The following EBF2 variants were observed in gnomAD, a reference collection of about 807,000 sequenced individuals.
EBF2 encodes EBF transcription factor 2.
In EBF2, 21 loss-of-function variants were observed where a neutral mutation model predicts 72.8. That is an observed-to-expected ratio of 0.29 (90% confidence interval 0.20 to 0.42). The LOEUF is 0.42. EBF2 is among the 10% of genes least tolerant of loss of function. The pLI, the probability that EBF2 is intolerant of heterozygous loss-of-function variation, is 1.00. For missense variants in EBF2, 637 were observed against 731.2 expected (o/e 0.87, Z 1.49); for synonymous variants, 299 against 274.2 (o/e 1.09, Z -0.89).
intron 6 of EBF2, among the ~76,000 whole-genome samples, chr8:25,912,931 A>C (rs1162627887): frequency 6.6e-6 from 1 of 152,150 alleles, no homozygotes; most frequent in Non-Finnish European, 1.5e-5. Flanking sequence ...CGAGATGCAC[A>C]AATACAGTGC....
intron 10 of EBF2, among the ~76,000 whole-genome samples, chr8:25,873,435 C>G (rs1289971107): frequency 6.6e-6 from 1 of 152,154 alleles, no homozygotes; most frequent in Middle Eastern, 3.2e-3. Flanking sequence ...TGTCTTTAAC[C>G]TTGGCTACAT....
At chr8:25,859,795 C>A (rs922627757) in intron 13 of EBF2, among the ~76,000 whole-genome samples, 1 of 151,304 alleles carries the variant, frequency 6.6e-6, no homozygotes, top group Non-Finnish European at 1.5e-5. Context: ...TGGCTCACTG[C>A]AGCTTCAACC....
intron 6 of EBF2, among the ~76,000 whole-genome samples, chr8:25,918,467 C>T (rs543083240): frequency 6.6e-6 from 1 of 152,304 alleles, no homozygotes; most frequent in African/African-American, 2.4e-5. Context: ...CTCCATTTAA[C>T]ATGCAAATGT....
At chr8:25,848,414 C>T (rs1274744595) in intron 15 of EBF2, among the ~76,000 whole-genome samples, 1 of 152,180 alleles carries the variant, frequency 6.6e-6, no homozygotes, top group African/African-American at 2.4e-5. Flanking sequence ...GTTTCTGCTG[C>T]AGCTGCCCTC....
intron 6 of EBF2, among the ~76,000 whole-genome samples, chr8:26,028,052 T>TG (rs1805329777): frequency 6.6e-6 from 1 of 152,134 alleles, no homozygotes; most frequent in South Asian, 2.1e-4. Context: ...TGGTGATAGT[T>TG]GCACAACAAT....
At chr8:26,019,642 G>T (rs564067875) in intron 6 of EBF2, among the ~76,000 whole-genome samples, 1 of 152,206 alleles carries the variant, frequency 6.6e-6, no homozygotes, top group Non-Finnish European at 1.5e-5. Flanking sequence ...CCCACCTCTT[G>T]TTCTGACATC....
chr8:25,981,893 A>C (rs1804367591), intron 6 of EBF2, among the ~76,000 whole-genome samples: 1 of 152,214 alleles, frequency 6.6e-6, no homozygotes, highest in Admixed American at 6.5e-5. Context: ...ATCTAGATGT[A>C]AATTTTCAAA....
At chr8:25,924,085 C>T (rs939173194) in intron 6 of EBF2, among the ~76,000 whole-genome samples, 1 of 152,170 alleles carries the variant, frequency 6.6e-6, no homozygotes, top group African/African-American at 2.4e-5. Flanking sequence ...GGAAGGCACT[C>T]ATGTTCAATT....
intron 6 of EBF2, among the ~76,000 whole-genome samples, chr8:25,966,806 G>T (rs1188760948): frequency 6.6e-6 from 1 of 152,202 alleles, no homozygotes; most frequent in Non-Finnish European, 1.5e-5. Flanking sequence ...GCATGCTGGG[G>T]TGTATGAGAA....
At chr8:25,985,688 G>A (rs745355745) in intron 6 of EBF2, among the ~76,000 whole-genome samples, 6 of 152,096 alleles carry the variant, frequency 3.9e-5, no homozygotes, top group African/African-American at 9.7e-5. Flanking sequence ...CAGGAATTAC[G>A]GGAATCTTGC....
chr8:25,878,800 T>C (rs1802562524), intron 10 of EBF2, among the ~76,000 whole-genome samples: 1 of 152,164 alleles, frequency 6.6e-6, no homozygotes, highest in Non-Finnish European at 1.5e-5. Flanking sequence ...TATTTGTGAA[T>C]GAACAAACTC....
At chr8:25,933,434 A>T (rs1803516595) in intron 6 of EBF2, among the ~76,000 whole-genome samples, 1 of 152,222 alleles carries the variant, frequency 6.6e-6, no homozygotes, top group Admixed American at 6.5e-5. Context: ...ACACACAGGA[A>T]TATGCCCTAA....
chr8:25,991,617 G>A (rs573223413), intron 6 of EBF2, among the ~76,000 whole-genome samples: 10 of 152,102 alleles, frequency 6.6e-5, no homozygotes, highest in South Asian at 6.2e-4. Context: ...AGGTCGAGGC[G>A]GGCAGATCAC....
chr8:25,906,767 AAAAC>A (rs71551830), intron 7 of EBF2, among the ~76,000 whole-genome samples: 95,658 of 149,752 alleles, frequency 0.64, 31,411 homozygotes, highest in East Asian at 0.85. Flanking sequence ...ACTCCATCTC[AAAAC>A]AAACAAACAA....
intron 6 of EBF2, among the ~76,000 whole-genome samples, chr8:25,967,055 A>G (rs1308417167): frequency 2.6e-5 from 4 of 152,224 alleles, no homozygotes; most frequent in Admixed American, 6.5e-5. Flanking sequence ...GAAGCTAATG[A>G]ATAAATTCAT....
Position 25,872,938 on chromosome 8 carries a change from G to A in EBF2, c.1010-10141C>T, listed in dbSNP as rs139687139. ...TCCTGCCCTCGTGCCACTTTAGGAC[G>A]TCTCTGTCCTCTTTCCTTACATAGT... On this transcript the variant is annotated intron_variant, in intron 10 of 15. Transcript: ENST00000520164. 7.9e-5 allele frequency among the ~76,000 whole-genome samples: 12 copies of A among 152,306 alleles called. No individual in the cohort carries two copies. The East Asian group carries it at 1.9e-3, about 25-fold the overall frequency.
chr8:25,977,851 G>C (rs1804294016), intron 6 of EBF2, among the ~76,000 whole-genome samples: 1 of 152,222 alleles, frequency 6.6e-6, no homozygotes, highest in Non-Finnish European at 1.5e-5. Flanking sequence ...GATAACATGA[G>C]TACCTGAGGG....
intron 10 of EBF2, among the ~76,000 whole-genome samples, chr8:25,883,623 T>C (rs2117286280): frequency 6.6e-6 from 1 of 152,246 alleles, no homozygotes; most frequent in Non-Finnish European, 1.5e-5. Context: ...GGTGAGGACC[T>C]CTTTTACACA....
intron 11 of EBF2, among the ~76,000 whole-genome samples, chr8:25,861,843 T>A (rs1226795417): frequency 6.6e-6 from 1 of 152,228 alleles, no homozygotes; most frequent in Non-Finnish European, 1.5e-5. Flanking sequence ...CTAATAAAGA[T>A]GAATTCTTTC....
Sources: allele counts gnomAD v4.1 joint callset (sites outside exome capture counted in the v4.1 genomes callset), GRCh38; gene constraint gnomAD v4.1.1; transcripts MANE v1.5; gene names NCBI Gene and HGNC (gene_info 2026-07-23, HGNC 2026-07-21).